DIS3L2: variants seen among roughly 807,000 people sequenced by gnomAD.
DIS3L2 encodes DIS3-like exonuclease 2.
In DIS3L2, 34 loss-of-function variants were observed where a neutral mutation model predicts 97.5. That is an observed-to-expected ratio of 0.35 (90% CI 0.27 to 0.46). DIS3L2 has a LOEUF of 0.46. Ranked by LOEUF, DIS3L2 falls within the 20% of genes least tolerant of loss-of-function variation. DIS3L2 has a pLI of 1.00. For missense variants in DIS3L2, 1,038 were observed against 1,146.0 expected (o/e 0.91, Z 1.36); for synonymous variants, 435 against 445.2 (o/e 0.98, Z 0.29).
downstream of DIS3L2, among the ~76,000 whole-genome samples, chr2:232,340,532 C>T (rs928744073): frequency 6.6e-6 from 1 of 152,184 alleles, no homozygotes; most frequent in Non-Finnish European, 1.5e-5. Flanking sequence ...TGGGCCAGGA[C>T]CAGGCCTGTT....
Position 232,249,121 on chromosome 2 carries a change from C to G in DIS3L2, c.1318-118C>G, listed in dbSNP as rs1281944527. On this transcript the variant is annotated intron_variant, in intron 11 of 20. Transcript: ENST00000325385. ...TTCTGCAGAGTCTTTGGGAACAGAGCCACCTCCATCTTCAGCTTGCTCTGG... is the reference window on the plus strand; with the variant it reads ...TTCTGCAGAGTCTTTGGGAACAGAGGCACCTCCATCTTCAGCTTGCTCTGG... 1.0e-5 allele frequency: 9 copies of G among 893,264 alleles called. No homozygotes were observed. In the East Asian group the frequency reaches 2.4e-4, roughly 24 times the overall value. The allele number at this position is 893,264 out of a possible 1,614,324, so 55.3% of individuals were successfully genotyped here.
At chr2:231,990,015 G>A (rs558973993) in intron 1 of DIS3L2, among the ~76,000 whole-genome samples, 2 of 152,258 alleles carry the variant, frequency 1.3e-5, no homozygotes, top group East Asian at 3.9e-4. Context: ...TTTTACTGTT[G>A]TTGCCTAGGT....
chr2:232,094,842 G>A (rs1415067520), intron 6 of DIS3L2, among the ~76,000 whole-genome samples: 1 of 151,986 alleles, frequency 6.6e-6, no homozygotes, highest in Non-Finnish European at 1.5e-5. Flanking sequence ...CCGGTGTTGG[G>A]TGCATATATA....
intron 8 of DIS3L2, among the ~76,000 whole-genome samples, chr2:232,138,370 CAT>C (rs1174446798): frequency 1.3e-5 from 2 of 152,004 alleles, no homozygotes; most frequent in South Asian, 2.1e-4. Flanking sequence ...TGAAGATAAT[CAT>C]ATTTAGATGG....
intron 10 of DIS3L2, among the ~76,000 whole-genome samples, chr2:232,233,417 A>G (rs936952222): frequency 6.6e-6 from 1 of 152,218 alleles, no homozygotes; most frequent in Non-Finnish European, 1.5e-5. Flanking sequence ...TTTGTGAGGG[A>G]TCTACCTCTG....
chr2:232,205,326 G>C (rs1330076571), intron 9 of DIS3L2, among the ~76,000 whole-genome samples: 1 of 151,466 alleles, frequency 6.6e-6, no homozygotes, highest in Non-Finnish European at 1.5e-5. Context: ...CGTGATCTCA[G>C]CTTATTGCAA....
chr2:232,067,899 G>T (rs1354692926), intron 5 of DIS3L2, among the ~76,000 whole-genome samples: 1 of 152,008 alleles, frequency 6.6e-6, no homozygotes, highest in African/African-American at 2.4e-5. Flanking sequence ...GAATCACTGT[G>T]TCTAATATTA....
chr2:231,975,370 A>C (rs1237841154), intron 1 of DIS3L2, among the ~76,000 whole-genome samples: 1 of 151,980 alleles, frequency 6.6e-6, no homozygotes, highest in Non-Finnish European at 1.5e-5. Flanking sequence ...AGGGAAGGGA[A>C]AGCAGAAATG....
intron 5 of DIS3L2, among the ~76,000 whole-genome samples, chr2:232,032,614 C>T (rs1694832298): frequency 1.3e-5 from 2 of 152,264 alleles, no homozygotes; most frequent in South Asian, 2.1e-4. Flanking sequence ...AGGTTTTCTT[C>T]TAGGGTTTTT....
At chr2:232,323,828 A>G (rs1437177104) in intron 14 of DIS3L2, among the ~76,000 whole-genome samples, 1 of 152,050 alleles carries the variant, frequency 6.6e-6, no homozygotes, top group Non-Finnish European at 1.5e-5. Flanking sequence ...CCATCAGTCA[A>G]GCAGCTGCAC....
chr2:232,012,188 A>G (rs1694219479), intron 1 of DIS3L2, among the ~76,000 whole-genome samples: 1 of 152,046 alleles, frequency 6.6e-6, no homozygotes, highest in Admixed American at 6.6e-5. Context: ...ATGAAAACAA[A>G]CTCATCCATT....
downstream of DIS3L2, among the ~76,000 whole-genome samples, chr2:232,337,869 A>G (rs533922335): frequency 1.0e-3 from 151 of 151,322 alleles, no homozygotes; most frequent in African/African-American, 1.6e-3. Flanking sequence ...TATGGGAGGC[A>G]ACCAAAGACA....
At chr2:232,145,730 G>C (rs987701146) in intron 8 of DIS3L2, among the ~76,000 whole-genome samples, 2 of 152,030 alleles carry the variant, frequency 1.3e-5, no homozygotes, top group Non-Finnish European at 2.9e-5. Context: ...GCCATCCTCT[G>C]TTTTCTTAGC....
intron 14 of DIS3L2, among the ~76,000 whole-genome samples, chr2:232,314,560 C>T (rs1695218630): frequency 6.6e-6 from 1 of 152,122 alleles, no homozygotes; most frequent in Non-Finnish European, 1.5e-5. Context: ...CCCTATGAGA[C>T]AGAAAATTCT....
intron 11 of DIS3L2, among the ~76,000 whole-genome samples, chr2:232,241,644 A>G (rs1693083508): frequency 6.6e-6 from 1 of 152,226 alleles, no homozygotes; most frequent in Admixed American, 6.5e-5. Context: ...AAATATCAGG[A>G]AAAAACTTTT....
At chr2:232,270,912 C>CTCTCTCTCTCTG (rs1559185348) in intron 13 of DIS3L2, among the ~76,000 whole-genome samples, 9 of 121,232 alleles carry the variant, frequency 7.4e-5, no homozygotes, top group Admixed American at 2.4e-4. Context: ...CTCTCTCTCT[C>CTCTCTCTCTCTG]TCTGTCTCGT....
chr2:232,036,227 T>C (rs1460468062), intron 5 of DIS3L2, among the ~76,000 whole-genome samples: 2 of 152,212 alleles, frequency 1.3e-5, no homozygotes, highest in Non-Finnish European at 2.9e-5. Context: ...CTTTTCATTC[T>C]TTTTTCTCTA....
intron 5 of DIS3L2, among the ~76,000 whole-genome samples, chr2:232,085,715 G>A (rs1180720404): frequency 6.6e-6 from 1 of 152,124 alleles, no homozygotes; most frequent in African/African-American, 2.4e-5. Context: ...ATAACACCTG[G>A]TGTATTTTAA....
chr2:232,235,739 C>T (rs1180294474), intron 10 of DIS3L2, among the ~76,000 whole-genome samples: 1 of 152,176 alleles, frequency 6.6e-6, no homozygotes, highest in East Asian at 1.9e-4. Context: ...ATGCTGACTT[C>T]AAAAGAAGAC....
Sources: allele counts gnomAD v4.1 joint callset (sites outside exome capture counted in the v4.1 genomes callset), GRCh38; gene constraint gnomAD v4.1.1; transcripts MANE v1.5; gene names NCBI Gene and HGNC (gene_info 2026-07-23, HGNC 2026-07-21).